ATM: variants seen among roughly 807,000 people sequenced by gnomAD.
ATM encodes ATM serine/threonine kinase.
Under a neutral mutation model 387.0 loss-of-function variants are expected in ATM, and 308 were observed. The observed-to-expected ratio is 0.80, with a 90% CI of 0.73 to 0.87. The LOEUF (loss-of-function observed/expected upper bound fraction) is 0.87, where lower values mean the gene tolerates loss of function less well. Among genes scored for constraint, ATM ranks in the 40% least tolerant of loss-of-function variants. The probability of loss-of-function intolerance (pLI) is 0.00; values close to 1 mark genes in which losing one functional copy is unlikely to be tolerated. For synonymous variants in ATM, 1,156 were observed against 1,187.3 expected, an observed-to-expected ratio of 0.97 and a Z score of 0.54; for missense variants, 3,312 against 3,560.9, an observed-to-expected ratio of 0.93 and a Z score of 1.78.
chr11:108,293,177 T>A, intron 30 of ATM, 136 bp from the exon 31 acceptor site: 1 of 632,578 alleles, frequency 1.6e-6, no homozygotes, highest in African/African-American at 1.8e-5. Context: ...AACTAAAAGC[T>A]GGGTATCTTA....
intron 10 of ATM, 137 bp from the exon 11 acceptor site, chr11:108,251,700 T>C: frequency 1.2e-6 from 1 of 842,774 alleles, no homozygotes; most frequent in South Asian, 1.4e-5. Context: ...TCTTCCCAAA[T>C]GTAATCAGAC....
At chr11:108,243,869 A>T (rs2135219370) in intron 5 of ATM, 84 bp from the exon 6 acceptor site, 1 of 1,257,790 alleles carries the variant, frequency 8.0e-7, no homozygotes, top group Non-Finnish European at 1.1e-6. Flanking sequence ...GTATGGGATT[A>T]TGGAATATTT....
chr11:108,288,475 T>G (rs1474299220), intron 27 of ATM, among the ~76,000 whole-genome samples: 6 of 151,472 alleles, frequency 4.0e-5, no homozygotes. Context: ...CTGGCTTGAT[T>G]GTAAGCTACT....
chr11:108,258,410 G>T (rs2080642360), intron 15 of ATM, among the ~76,000 whole-genome samples: 1 of 151,926 alleles, frequency 6.6e-6, no homozygotes, highest in African/African-American at 2.4e-5. Flanking sequence ...AAAATTTTTT[G>T]ACCCAAACTA....
chr11:108,290,013 A>C, intron 29 of ATM: 1 of 475,198 alleles, frequency 2.1e-6, no homozygotes, highest in Non-Finnish European at 3.8e-6. Flanking sequence ...GCATACCACC[A>C]TGCCTGACTA....
chr11:108,268,326 G>T, intron 17 of ATM, 84 bp from the exon 18 acceptor site: 1 of 1,272,856 alleles, frequency 7.9e-7, no homozygotes, highest in Admixed American at 1.9e-5. Flanking sequence ...TTTTTTTTGT[G>T]AAGAGGAGGA....
intron 59 of ATM, among the ~76,000 whole-genome samples, chr11:108,348,267 G>A (rs2088716697): frequency 6.8e-6 from 1 of 147,900 alleles, no homozygotes; most frequent in South Asian, 2.2e-4. Flanking sequence ...AATATATATA[G>A]CTAAGGAATA....
chr11:108,358,533 G>A (rs1277389624), intron 61 of ATM, among the ~76,000 whole-genome samples: 1 of 139,336 alleles, frequency 7.2e-6, no homozygotes, highest in East Asian at 2.0e-4. Flanking sequence ...AAATGTTAAG[G>A]GCAGCCAGAG....
rs1555070814 is a variant in ATM at position 108,250,825 on chromosome 11, T to C, written c.1360T>C (p.Tyr454His). The stretch of plus-strand genomic sequence containing the variant: ...ACAGCGACATGGGGAACGTACACCA[T>C]ATGTGTTACGATGCCTTACGGAAGT... ...PQQRHGERTP[Y>H]VLRCLTEVAL... Residue 454 changes from tyrosine (Y) to histidine (H), a missense_variant, in exon 10 of 63, where the codon TAT (tyrosine) becomes CAT (histidine). By Grantham distance (83) the Tyr-to-His change is moderately conservative (BLOSUM62 2). This residue lies in a region of ATM where 1,791 missense variants were observed against 1,804.5 expected (regional missense o/e 0.99). Transcript: ENST00000675843. 6.2e-7 allele frequency: 1 copy of C among 1,614,096 alleles called. No individual in the cohort carries two copies. The highest frequency in any genetic ancestry group is 8.5e-7 in the Non-Finnish European group (1 of 1,180,026).
chr11:108,354,990 C>A, intron 61 of ATM, 116 bp downstream of exon 61: 1 of 898,188 alleles, frequency 1.1e-6, no homozygotes, highest in Non-Finnish European at 1.8e-6. Context: ...GGGGATGTGG[C>A]TGGGCAGCAG....
At chr11:108,235,904 G>A (rs933627378) in intron 5 of ATM, 70 bp downstream of exon 5, 3 of 1,538,752 alleles carry the variant, frequency 1.9e-6, no homozygotes, top group Non-Finnish European at 2.7e-6. Flanking sequence ...AAAGCACTCT[G>A]TCTGTATCTG....
intron 34 of ATM, 86 bp downstream of exon 34, chr11:108,299,971 C>A: frequency 7.6e-7 from 1 of 1,310,040 alleles, no homozygotes; most frequent in South Asian, 1.2e-5. Flanking sequence ...TTCTCAGTAA[C>A]TAAAGCTTTG....
At position 108,288,702 on chromosome 11, in the gene ATM, G is replaced by A. The variant is rs566466578; in HGVS notation, c.4110-275G>A. 3.3e-5 allele frequency among the ~76,000 whole-genome samples: 5 copies of A among 151,956 alleles called. No individual in the cohort carries two copies. The East Asian group carries it at 9.7e-4, about 29-fold the overall frequency. On this transcript the variant is annotated intron_variant, in intron 27 of 62. Coordinates refer to ENST00000675843, the MANE Select transcript of ATM (RefSeq NM_000051.4). ...AATACTGAGGCTCATTTATTGAACTGCCTTTTAACTTTATAAGATTTTTTA... is the reference window on the plus strand; with the variant it reads ...AATACTGAGGCTCATTTATTGAACTACCTTTTAACTTTATAAGATTTTTTA...
intron 60 of ATM, 133 bp from the exon 61 acceptor site, chr11:108,354,663 TCTGCCAAGTATTATG>T (rs1309534188): frequency 1.3e-6 from 1 of 763,906 alleles, no homozygotes; most frequent in Non-Finnish European, 2.3e-6. Flanking sequence ...GAAAGCCCAC[TCTGCCAAGTATTATG>T]CTATTTTGAG....
chr11:108,293,894 A>AAATAT (rs1491178678), intron 31 of ATM, among the ~76,000 whole-genome samples: 16 of 83,674 alleles, frequency 1.9e-4, no homozygotes, highest in African/African-American at 4.6e-4. Flanking sequence ...AAAAAAAAAA[A>AAATAT]ATATATATAT....
At position 108,289,749 on chromosome 11, in the gene ATM, G is replaced by C. The variant is rs2135764899; in HGVS notation, c.4384G>C (p.Ala1462Pro). 6.2e-7 allele frequency: 1 copy of C among 1,613,622 alleles called. No homozygotes were observed. The highest frequency in any genetic ancestry group is 8.5e-7 in the Non-Finnish European group (1 of 1,179,964). ...DIKSGLGGAW[A>P]FVLRDVIYTL... ...AAAAAGTGGCTTAGGAGGAGCTTGGGCCTTTGTTCTTCGAGACGTTATTTA... is the reference window on the plus strand; with the variant it reads ...AAAAAGTGGCTTAGGAGGAGCTTGGCCCTTTGTTCTTCGAGACGTTATTTA... Residue 1462 changes from alanine to proline, a missense_variant, in exon 29 of 63, where the codon GCC becomes CCC. By Grantham distance (27) the Ala-to-Pro change is conservative. This residue lies in a region of ATM where 1,791 missense variants were observed against 1,804.5 expected (regional missense o/e 0.99). Coordinates refer to ENST00000675843, the MANE Select transcript of ATM (RefSeq NM_000051.4).
chr11:108,330,074 C>A (rs1751069079), intron 49 of ATM, 140 bp from the exon 50 acceptor site: 1 of 859,032 alleles, frequency 1.2e-6, no homozygotes, highest in South Asian at 1.5e-5. Context: ...AGTTTATTCC[C>A]TTTATAATCC....
intron 13 of ATM, among the ~76,000 whole-genome samples, chr11:108,254,849 A>G (rs942832900): frequency 9.9e-5 from 15 of 152,050 alleles, no homozygotes; most frequent in Non-Finnish European, 1.8e-4. Context: ...GGGTTTTGCT[A>G]TGTTGGCCAG....
intron 31 of ATM, among the ~76,000 whole-genome samples, chr11:108,293,748 T>G (rs2082943975): frequency 6.6e-6 from 1 of 151,374 alleles, no homozygotes; most frequent in South Asian, 2.1e-4. Context: ...CATGGTGATA[T>G]GTGCTTGTAG....
Sources: allele counts gnomAD v4.1 joint callset (sites outside exome capture counted in the v4.1 genomes callset), GRCh38; gene constraint gnomAD v4.1.1; regional missense constraint gnomAD v4.1.1; transcripts MANE v1.5; gene names NCBI Gene and HGNC (gene_info 2026-07-23, HGNC 2026-07-21).